The following CHL1 variants were observed in gnomAD, a reference collection of about 807,000 sequenced individuals.
CHL1 encodes cell adhesion molecule L1 like.
CHL1 carries 96 observed loss-of-function variants against 141.9 expected under a neutral mutation model. The ratio of observed to expected loss-of-function variants is 0.68; its 90% CI spans 0.57 to 0.80. The LOEUF (loss-of-function observed/expected upper bound fraction) is 0.80. CHL1 is among the 30% of genes least tolerant of loss of function. CHL1 has a pLI of 0.00. For synonymous variants in CHL1, 613 were observed against 502.2 expected, an observed-to-expected ratio of 1.22 and a Z score of -2.95; for missense variants, 1,820 against 1,457.2, an observed-to-expected ratio of 1.25 and a Z score of -4.05.
Position 354,750 on chromosome 3 carries a change from G to T in CHL1, c.1144G>T (p.Val382Phe). 1 of 1,613,800 alleles carries T rather than the reference G, an allele frequency of 6.2e-7. No individual in the cohort carries two copies. Among genetic ancestry groups the T allele is most frequent in the Non-Finnish European group, 8.5e-7 (1 of 1,179,826 alleles). Residue 382 changes from valine to phenylalanine, a missense_variant, in exon 11 of 28, where the codon GTC becomes TTC. Transcript: ENST00000256509. ...GEPQPTIKWR[V>F]NGSPVDNHPF... The stretch of plus-strand genomic sequence containing the variant: ...ACCTCAACCCACAATCAAGTGGAGA[G>T]TCAATGGCTCCCCAGTTGACAGTAA...
chr3:198,013 C>T, intron 1 of CHL1: 1 of 350,494 alleles, frequency 2.9e-6, no homozygotes, highest in Non-Finnish European at 5.7e-6. Flanking sequence ...CTGCGAGCCA[C>T]AGTGTCTCAG....
intron 2 of CHL1, among the ~76,000 whole-genome samples, chr3:310,059 T>C (rs573877433): frequency 2.0e-5 from 3 of 152,092 alleles, no homozygotes; most frequent in Admixed American, 1.3e-4. Context: ...AATGTTGATA[T>C]ATATGTGAAA....
chr3:399,889 A>G (rs1409382249), intron 26 of CHL1, among the ~76,000 whole-genome samples: 3 of 152,188 alleles, frequency 2.0e-5, no homozygotes, highest in Non-Finnish European at 4.4e-5. Flanking sequence ...GGTGTTAATC[A>G]TTACTAGGAA....
chr3:404,206 A>G (rs1709357857), intron 27 of CHL1, among the ~76,000 whole-genome samples: 1 of 152,156 alleles, frequency 6.6e-6, no homozygotes, highest in African/African-American at 2.4e-5. Context: ...GAAGAGACAC[A>G]TGTCACCTTT....
chr3:364,735 A>T (rs1245088994), intron 14 of CHL1, among the ~76,000 whole-genome samples: 1 of 152,184 alleles, frequency 6.6e-6, no homozygotes, highest in Non-Finnish European at 1.5e-5. Flanking sequence ...TCTCAGGCAG[A>T]TTTGGGTTCA....
At chr3:283,740 G>T (rs920433495) in intron 2 of CHL1, among the ~76,000 whole-genome samples, 1 of 151,958 alleles carries the variant, frequency 6.6e-6, no homozygotes. Context: ...CATCATCCCC[G>T]GCATCTCAAT....
At chr3:361,677 C>A in intron 12 of CHL1, 22 bp from the exon 13 acceptor site, 1 of 1,536,508 alleles carries the variant, frequency 6.5e-7, no homozygotes, top group Non-Finnish European at 9.0e-7. Context: ...TTTAAAACTG[C>A]GTTTATGTTA....
chr3:296,059 G>A (rs1352702241), intron 2 of CHL1, among the ~76,000 whole-genome samples: 1 of 151,956 alleles, frequency 6.6e-6, no homozygotes, highest in African/African-American at 2.4e-5. Context: ...TATTTTTGAT[G>A]TGGTGAGGAG....
At chr3:397,154 T>A (rs1708746020) in intron 24 of CHL1, among the ~76,000 whole-genome samples, 2 of 152,156 alleles carry the variant, frequency 1.3e-5, no homozygotes, top group Admixed American at 1.3e-4. Context: ...ATAAATCACT[T>A]GCTTTACTCT....
chr3:257,347 C>T (rs1270350603), intron 2 of CHL1, among the ~76,000 whole-genome samples: 1 of 146,400 alleles, frequency 6.8e-6, no homozygotes, highest in Non-Finnish European at 1.5e-5. Context: ...TTCTTCTTTT[C>T]TTCTTCTTTT....
At chr3:333,945 C>CTTTT (rs758192139) in intron 5 of CHL1, among the ~76,000 whole-genome samples, 7 of 151,850 alleles carry the variant, frequency 4.6e-5, no homozygotes, top group Admixed American at 2.6e-4. Flanking sequence ...TTTTAAACAA[C>CTTTT]TTGTTTGTTT....
chr3:321,492 C>A (rs574306419), intron 3 of CHL1, among the ~76,000 whole-genome samples: 2 of 152,134 alleles, frequency 1.3e-5, no homozygotes, highest in South Asian at 2.1e-4. Context: ...TCTTGGTAAT[C>A]CTGTGGAAAA....
rs73020854 is a variant in CHL1 at position 242,699 on chromosome 3, G to C, written c.-174-1914G>C. On this transcript the variant is annotated intron_variant, in intron 1 of 27. Coordinates refer to ENST00000256509, the MANE Select transcript of CHL1 (RefSeq NM_006614.4). ...GCACACAAACACACACACACACACAGAGAGAGAGAGAGATTAGATTAGTAG... is the reference window on the plus strand; with the variant it reads ...GCACACAAACACACACACACACACACAGAGAGAGAGAGATTAGATTAGTAG... 6.0e-3 allele frequency among the ~76,000 whole-genome samples: 619 copies of C among 102,640 alleles called. 4 individuals are homozygous for C. The South Asian group carries it at 0.078, about 13-fold the overall frequency. The allele number at this position is 102,640 out of a possible 152,430, so 67.3% of individuals were successfully genotyped here.
At chr3:270,612 TA>T (rs1340548327) in intron 2 of CHL1, among the ~76,000 whole-genome samples, 17 of 152,336 alleles carry the variant, frequency 1.1e-4, no homozygotes, top group Admixed American at 1.0e-3. Context: ...TGTTAGTGCA[TA>T]AAAAATTACC....
At chr3:268,984 T>C (rs1032410151) in intron 2 of CHL1, among the ~76,000 whole-genome samples, 3 of 152,214 alleles carry the variant, frequency 2.0e-5, no homozygotes, top group African/African-American at 7.2e-5. Flanking sequence ...GTTGTAGCTG[T>C]TGTTGCTCTC....
chr3:308,835 C>A, intron 2 of CHL1: 2 of 163,444 alleles, frequency 1.2e-5, no homozygotes, highest in South Asian at 3.8e-4. Flanking sequence ...GAAGCTCGCC[C>A]TGCTGGAACT....
At chr3:257,005 T>C (rs1574877893) in intron 2 of CHL1, among the ~76,000 whole-genome samples, 1 of 152,332 alleles carries the variant, frequency 6.6e-6, no homozygotes, top group African/African-American at 2.4e-5. Context: ...GCCTCCTCCA[T>C]GGATTTTCCA....
intron 11 of CHL1, among the ~76,000 whole-genome samples, chr3:355,565 C>T (rs1192743497): frequency 6.6e-6 from 1 of 152,156 alleles, no homozygotes; most frequent in Non-Finnish European, 1.5e-5. Context: ...TAATTAAGAG[C>T]AGGTACGATA....
At chr3:324,045 C>A (rs1387231431) in intron 3 of CHL1, among the ~76,000 whole-genome samples, 1 of 151,926 alleles carries the variant, frequency 6.6e-6, no homozygotes, top group Non-Finnish European at 1.5e-5. Flanking sequence ...GTTTTTATTC[C>A]TGTTATAGTA....
Sources: gnomAD v4.1 joint callset for allele counts (sites outside exome capture counted in the v4.1 genomes callset) on GRCh38, gnomAD v4.1.1 for gene constraint, MANE v1.5 for transcripts, NCBI Gene and HGNC (gene_info 2026-07-23, HGNC 2026-07-21) for gene names.